Variants in UMPS observed in about 807,000 individuals in gnomAD.
UMPS encodes uridine monophosphate synthetase.
UMPS carries 21 observed loss-of-function variants against 38.9 expected under a neutral mutation model. The observed-to-expected ratio is 0.54, with a 90% CI of 0.38 to 0.78. The LOEUF is 0.78. UMPS is among the 30% of genes least tolerant of loss of function. The probability of loss-of-function intolerance (pLI) is 0.00; values close to 1 mark genes in which losing one functional copy is unlikely to be tolerated. For synonymous variants in UMPS, 208 were observed against 219.3 expected, an observed-to-expected ratio of 0.95 and a Z score of 0.45; for missense variants, 533 against 591.6, an observed-to-expected ratio of 0.90 and a Z score of 1.03.
At chr3:124,738,423 C>T in intron 3 of UMPS, 184 bp downstream of exon 3, 2 of 644,874 alleles carry the variant, frequency 3.1e-6, no homozygotes, top group South Asian at 1.8e-5. Flanking sequence ...CTGCTTTCTT[C>T]TCTGTTGACT....
rs593292 is a variant in UMPS at position 124,748,222 on chromosome 3, T to G, written c.*4138T>G. The stretch of plus-strand genomic sequence containing the variant: ...TAGGATTACAGGTGTGAGCCACTGC[T>G]CCCGGCCTGTTGGAGTTCTTTACAT... On this transcript the variant is annotated 3_prime_UTR_variant, in exon 6 of 6. Coordinates refer to ENST00000232607, the MANE Select transcript of UMPS (RefSeq NM_000373.4). 422,429 of 453,574 alleles carry G rather than the reference T, an allele frequency of 0.93. 196,924 individuals carry two copies. Among genetic ancestry groups the G allele is most frequent in the East Asian group, 1 (14,383 of 14,390 alleles). The allele number at this position is 453,574 out of a possible 1,614,324, so 28.1% of individuals were successfully genotyped here. A position where few individuals can be genotyped will look rare whatever the true frequency, so the allele number is the denominator to read the frequency against.
chr3:124,735,486 C>A (rs1425476426), intron 2 of UMPS, among the ~76,000 whole-genome samples: 1 of 151,988 alleles, frequency 6.6e-6, no homozygotes, highest in Non-Finnish European at 1.5e-5. Context: ...CTATGAAACT[C>A]CAACATTTTT....
Position 124,748,851 on chromosome 3 carries a change from T to A in UMPS, c.*4767T>A, listed in dbSNP as rs2063624019. 1 of 415,358 alleles carries A rather than the reference T, an allele frequency of 2.4e-6. No homozygotes were observed. The highest frequency in any genetic ancestry group is 4.8e-6 in the Non-Finnish European group (1 of 208,890). The allele number at this position is 415,358 out of a possible 1,614,324, so 25.7% of individuals were successfully genotyped here. ...ACATTATAGAGAAGCTGAATTCTCC[T>A]GTTTTTCTGAAAAGGGCATGGGAGT... On this transcript the variant is annotated 3_prime_UTR_variant, in exon 6 of 6. Coordinates refer to ENST00000232607, the MANE Select transcript of UMPS (RefSeq NM_000373.4).
rs981364470 is a variant in UMPS, at chr3:124,744,483, C to T, written c.*399C>T. 6.6e-6 allele frequency: 3 copies of T among 454,012 alleles called. No individual in the cohort carries two copies. The highest frequency in any genetic ancestry group is 1.3e-5 in the Non-Finnish European group (3 of 226,834). 28.1% of individuals were successfully genotyped at this position (454,012 alleles called of 1,614,324 possible). Reference sequence around the variant, plus strand: ...AGGATGGAGTGCAGTGGTGAGATCACGGCTCATTGCAGCCTCGACCTCCCA... The same window carrying T: ...AGGATGGAGTGCAGTGGTGAGATCATGGCTCATTGCAGCCTCGACCTCCCA... On this transcript the variant is annotated 3_prime_UTR_variant, in exon 6 of 6. Transcript: ENST00000232607.
chr3:124,738,981 T>C (rs1489080762), intron 3 of UMPS, among the ~76,000 whole-genome samples: 1 of 152,254 alleles, frequency 6.6e-6, no homozygotes, highest in Non-Finnish European at 1.5e-5. Context: ...TGTAGGCATC[T>C]TTGAGGTAAC....
chr3:124,748,449 T>A lies in UMPS; in HGVS notation c.*4365T>A. The A allele has an allele frequency of 2.2e-6, 1 of 453,694 alleles. No individual in the cohort carries two copies. The highest frequency in any genetic ancestry group is 4.4e-6 in the Non-Finnish European group (1 of 226,730). The allele number at this position is 453,694 out of a possible 1,614,324, so 28.1% of individuals were successfully genotyped here. On this transcript the variant is annotated 3_prime_UTR_variant, in exon 6 of 6. Coordinates refer to ENST00000232607, the MANE Select transcript of UMPS (RefSeq NM_000373.4). ...GAAATACAAAGAGAAACAAAATAAT[T>A]AGAATATTTTTTAACTTCTAAAGTT...
In UMPS at chr3:124,735,359, T is replaced by C. The variant is rs180853845; in HGVS notation, c.310+113T>C. 752 of 942,972 alleles carry C rather than the reference T, an allele frequency of 8.0e-4. 4 individuals are homozygous for C. In the African/African-American group the frequency reaches 0.011, roughly 14 times the overall value. The allele number at this position is 942,972 out of a possible 1,614,324, so 58.4% of individuals were successfully genotyped here. The stretch of plus-strand genomic sequence containing the variant: ...TACCAGTCATCTTGAGTTCTTTAAG[T>C]TGTTACTGCTTGTAGAATTTATAAT... On this transcript the variant is annotated intron_variant, in intron 2 of 5. Transcript: ENST00000232607.
rs1167345821 is a variant in UMPS at position 124,748,118 on chromosome 3, A to G, written c.*4034A>G. 2 of 367,624 alleles carry G rather than the reference A, an allele frequency of 5.4e-6. No homozygotes were observed. The highest frequency in any genetic ancestry group is 3.8e-5 in the Admixed American group (1 of 26,474). The allele number at this position is 367,624 out of a possible 1,614,324, so 22.8% of individuals were successfully genotyped here. ...TTAGATATAATATATAATAGTATAT[A>G]TAAATAATACTATATTGCCCAGGCT... On this transcript the variant is annotated 3_prime_UTR_variant, in exon 6 of 6. Coordinates refer to ENST00000232607, the MANE Select transcript of UMPS (RefSeq NM_000373.4).
In UMPS at chr3:124,744,760, A is replaced by G. The variant is rs1373966976; in HGVS notation, c.*676A>G. The G allele has an allele frequency of 1.5e-5, 7 of 454,142 alleles. No homozygotes were observed. The highest frequency in any genetic ancestry group is 1.2e-4 in the African/African-American group (6 of 50,130). The allele number at this position is 454,142 out of a possible 1,614,324, so 28.1% of individuals were successfully genotyped here. On this transcript the variant is annotated 3_prime_UTR_variant, in exon 6 of 6. Coordinates refer to ENST00000232607, the MANE Select transcript of UMPS (RefSeq NM_000373.4). ...GGCACCAAGAGGCTAAAGTCAGCACAGCTTTTCTTGTGTCCTGTATTCTCT... is the reference window on the plus strand; with the variant it reads ...GGCACCAAGAGGCTAAAGTCAGCACGGCTTTTCTTGTGTCCTGTATTCTCT...
Position 124,739,978 on chromosome 3 carries a change from T to G in UMPS, c.983-46T>G, listed in dbSNP as rs550824796. On this transcript the variant is annotated intron_variant, in intron 3 of 5. Coordinates refer to ENST00000232607, the MANE Select transcript of UMPS (RefSeq NM_000373.4). ...GGTTGGTTGGACAAGACGTTAGAGG[T>G]TTTGTTTGAAAATCAGCAAATATCT... 25 of 1,601,762 alleles carry G rather than the reference T, an allele frequency of 1.6e-5. No individual in the cohort carries two copies. The African/African-American group carries it at 3.3e-4, about 21-fold the overall frequency.
intron 4 of UMPS, 66 bp from the exon 5 acceptor site, chr3:124,742,086 T>C: frequency 8.6e-7 from 1 of 1,163,530 alleles, no homozygotes; most frequent in Non-Finnish European, 1.3e-6. Flanking sequence ...AAATAGAGCA[T>C]ATTTTTACTT....
Position 124,747,972 on chromosome 3 carries a change from A to G in UMPS, c.*3888A>G, listed in dbSNP as rs1348372503. 1 of 453,934 alleles carries G rather than the reference A, an allele frequency of 2.2e-6. No homozygotes were observed. The highest frequency in any genetic ancestry group is 4.4e-6 in the Non-Finnish European group (1 of 226,714). 28.1% of individuals were successfully genotyped at this position (453,934 alleles called of 1,614,324 possible). A position where few individuals can be genotyped will look rare whatever the true frequency, so the allele number is the denominator to read the frequency against. On this transcript the variant is annotated 3_prime_UTR_variant, in exon 6 of 6. Transcript: ENST00000232607. ...GGGTATGAATCGTGTCTTCAGTGCC[A>G]GGGCTGAATGAGAAAGGGCATTCCT... is the stretch of plus-strand genomic sequence containing the variant.
chr3:124,739,160 G>GT lies in UMPS; in HGVS notation c.983-858dup, dbSNP rs563541646. 1.5e-3 allele frequency among the ~76,000 whole-genome samples: 231 copies of GT among 152,268 alleles called. 3 individuals are homozygous for GT. Among genetic ancestry groups the GT allele is most frequent in the South Asian group, 0.013 (62 of 4,816 alleles). ...CAAACTTTCTTCAGCTCTGCATAGA[G>GT]TTTTTTCGAAAATCAGGCTTGTTAC... is the stretch of plus-strand genomic sequence containing the variant. On this transcript the variant is annotated intron_variant, in intron 3 of 5. Transcript: ENST00000232607.
rs1238715431 is a variant in UMPS at position 124,746,231 on chromosome 3, TGA to T, written c.*2151_*2152del. ...CCTGCTAAGGTGATTTGAGGGGAAA[TGA>T]GAGGAGGCTCAAATAATCACCCAGC... On this transcript the variant is annotated 3_prime_UTR_variant, in exon 6 of 6. Coordinates refer to ENST00000232607, the MANE Select transcript of UMPS (RefSeq NM_000373.4). 1 of 453,968 alleles carries T rather than the reference TGA, an allele frequency of 2.2e-6. No homozygotes were observed. The highest frequency in any genetic ancestry group is 2.0e-5 in the African/African-American group (1 of 49,992). The allele number at this position is 453,968 out of a possible 1,614,324, so 28.1% of individuals were successfully genotyped here. A position where few individuals can be genotyped will look rare whatever the true frequency, so the allele number is the denominator to read the frequency against.
At chr3:124,738,311 C>T (rs578092162) in intron 3 of UMPS, 72 bp downstream of exon 3, 18 of 1,520,114 alleles carry the variant, frequency 1.2e-5, no homozygotes, top group Non-Finnish European at 1.5e-5. Flanking sequence ...AGGAAATGCT[C>T]ATGTCATTGA....
chr3:124,732,250 G>A (rs1010813346), intron 1 of UMPS, among the ~76,000 whole-genome samples: 1 of 152,210 alleles, frequency 6.6e-6, no homozygotes, highest in Non-Finnish European at 1.5e-5. Context: ...TTCCTGTTAG[G>A]TCCACACTTG....
In UMPS at chr3:124,743,991, T is replaced by G; in HGVS notation, c.1350T>G (p.Gly450=). The part of the protein sequence containing the change: ...GKRGSDIIIV[G]RGIISAADRL... Reference sequence around the variant, plus strand: ...GAGGTTCCGATATCATCATTGTAGGTCGTGGCATAATCTCAGCAGCTGATC... The same window carrying G: ...GAGGTTCCGATATCATCATTGTAGGGCGTGGCATAATCTCAGCAGCTGATC... The change falls in exon 6 of 6, where the codon GGT becomes GGG. Residue 450 remains glycine, a synonymous_variant. Transcript: ENST00000232607. 4 of 1,614,186 alleles carry G rather than the reference T, an allele frequency of 2.5e-6. No homozygotes were observed. The highest frequency in any genetic ancestry group is 3.4e-6 in the Non-Finnish European group (4 of 1,180,042).
At chr3:124,743,766 C>T (rs1045851429) in intron 5 of UMPS, 149 bp from the exon 6 acceptor site, 9 of 888,866 alleles carry the variant, frequency 1.0e-5, no homozygotes, top group African/African-American at 1.7e-5. Flanking sequence ...TCTTCAGCTC[C>T]TGTTTTTACG....
At position 124,744,897 on chromosome 3, in the gene UMPS, T is replaced by C; in HGVS notation, c.*813T>C. The C allele has an allele frequency of 2.2e-6, 1 of 454,084 alleles. No homozygotes were observed. The highest frequency in any genetic ancestry group is 1.6e-5 in the South Asian group (1 of 64,472). The allele number at this position is 454,084 out of a possible 1,614,324, so 28.1% of individuals were successfully genotyped here. On this transcript the variant is annotated 3_prime_UTR_variant, in exon 6 of 6. Transcript: ENST00000232607. Reference sequence around the variant, plus strand: ...GGCTGGTTCCCAGAACTGCCATTGCTCACTCTCCAAAGAGGGGAAGGTGGG... The same window carrying C: ...GGCTGGTTCCCAGAACTGCCATTGCCCACTCTCCAAAGAGGGGAAGGTGGG...
Sources: gnomAD v4.1 joint callset for allele counts (sites outside exome capture counted in the v4.1 genomes callset) on GRCh38, gnomAD v4.1.1 for gene constraint, MANE v1.5 for transcripts, NCBI Gene and HGNC (gene_info 2026-07-23, HGNC 2026-07-21) for gene names.